The following SARDH variants were observed in gnomAD, a reference collection of about 807,000 sequenced individuals.
SARDH encodes the protein sarcosine dehydrogenase.
Under a neutral mutation model 109.1 loss-of-function variants are expected in SARDH, and 95 were observed. The observed-to-expected ratio is 0.87, with a 90% CI of 0.74 to 1.03. The LOEUF (loss-of-function observed/expected upper bound fraction) is 1.03, where lower values mean the gene tolerates loss of function less well. Ranked by LOEUF, SARDH falls within the 50% of genes least tolerant of loss-of-function variation. The pLI is 0.00. For missense variants in SARDH, 1,267 were observed against 1,287.8 expected, an observed-to-expected ratio of 0.98 and a Z score of 0.25; for synonymous variants, 572 against 534.8, an observed-to-expected ratio of 1.07 and a Z score of -0.96.
intron 15 of SARDH, among the ~76,000 whole-genome samples, chr9:133,691,316 C>A (rs1330623319): frequency 6.6e-6 from 1 of 152,196 alleles, no homozygotes; most frequent in Non-Finnish European, 1.5e-5. Context: ...CAACTGGTGC[C>A]CAGGGAGATG....
chr9:133,660,805 A>C (rs1832403160), downstream of SARDH, among the ~76,000 whole-genome samples: 1 of 152,228 alleles, frequency 6.6e-6, no homozygotes, highest in African/African-American at 2.4e-5. Context: ...GGCTCCAGCC[A>C]GCATAGGGGT....
chr9:133,674,626 T>C (rs1830456763), intron 17 of SARDH, among the ~76,000 whole-genome samples: 1 of 152,238 alleles, frequency 6.6e-6, no homozygotes, highest in African/African-American at 2.4e-5. Context: ...ACAAGGGCGC[T>C]GAGGCCACTC....
At chr9:133,677,087 C>T (rs1391282611) in intron 17 of SARDH, among the ~76,000 whole-genome samples, 30 of 152,096 alleles carry the variant, frequency 2.0e-4, no homozygotes, top group Non-Finnish European at 3.8e-4. Context: ...TGTAGCGAGC[C>T]AAGGTCGCCC....
In SARDH at chr9:133,671,614, C is replaced by T. The variant is rs201129940; in HGVS notation, c.2247G>A (p.Arg749=). Residue 749 remains arginine, a synonymous_variant, in exon 18 of 21, where the codon CGG becomes CGA. Coordinates refer to ENST00000439388, the MANE Select transcript of SARDH (RefSeq NM_001134707.2). The part of the protein sequence containing the change: ...IPKASCVPVY[R]AVMAAGAKHG... Reference sequence around the variant, plus strand: ...GCTTGGCACCCGCGGCCATCACAGCCCGGTACACAGGCACGCAGGACGCCT... The same window carrying T: ...GCTTGGCACCCGCGGCCATCACAGCTCGGTACACAGGCACGCAGGACGCCT... 3 of 1,603,592 alleles carry T rather than the reference C, an allele frequency of 1.9e-6. No individual in the cohort carries two copies. The East Asian group carries it at 6.7e-5, about 36-fold the overall frequency.
intron 1 of SARDH, among the ~76,000 whole-genome samples, chr9:133,734,499 G>C (rs1451488155): frequency 6.6e-6 from 1 of 151,454 alleles, no homozygotes; most frequent in Non-Finnish European, 1.5e-5. Context: ...TATGTATTAA[G>C]GGCCTGGTAT....
At chr9:133,733,095 C>T (rs901549720) in intron 2 of SARDH, among the ~76,000 whole-genome samples, 1 of 152,190 alleles carries the variant, frequency 6.6e-6, no homozygotes, top group Non-Finnish European at 1.5e-5. Flanking sequence ...GCTGGCGAAA[C>T]GTCAGGGAAG....
At chr9:133,723,942 C>T (rs1310750116) in intron 6 of SARDH, among the ~76,000 whole-genome samples, 1 of 152,042 alleles carries the variant, frequency 6.6e-6, no homozygotes, top group Non-Finnish European at 1.5e-5. Flanking sequence ...CAAAATTTAA[C>T]TTGAGATGGA....
chr9:133,674,888 C>T (rs998258377), intron 17 of SARDH, among the ~76,000 whole-genome samples: 1 of 152,200 alleles, frequency 6.6e-6, no homozygotes, highest in African/African-American at 2.4e-5. Flanking sequence ...ACATTGATCA[C>T]AAGCACATTT....
In SARDH at chr9:133,704,731, C is replaced by T. The variant is rs113626931; in HGVS notation, c.1554+217G>A. ...CACAGCGGACGGGTAGTGGGGAGGA[C>T]GAGGAGTGGGAATTGCGTGAACGGC... On this transcript the variant is annotated intron_variant, in intron 12 of 20. Coordinates refer to ENST00000439388, the MANE Select transcript of SARDH (RefSeq NM_001134707.2). The surrounding 1 kb of genome is among the most constrained non-coding windows in gnomAD (Gnocchi z 4.5). 0.051 allele frequency among the ~76,000 whole-genome samples: 7,747 copies of T among 152,162 alleles called. 243 individuals are homozygous for T. Among genetic ancestry groups the T allele is most frequent in the South Asian group, 0.16 (747 of 4,816 alleles).
intron 1 of SARDH, among the ~76,000 whole-genome samples, chr9:133,735,576 C>T (rs1362348510): frequency 2.0e-5 from 3 of 152,226 alleles, no homozygotes; most frequent in Non-Finnish European, 4.4e-5. Flanking sequence ...ACACAATCAG[C>T]CTCCACGTTT....
Position 133,671,565 on chromosome 9 carries a change from G to T in SARDH, c.2296C>A (p.Arg766Ser). The change falls in exon 18 of 21, where the codon CGC becomes AGC. Residue 766 changes from arginine to serine, a missense_variant. By Grantham distance (110) the Arg-to-Ser change is moderately radical. Transcript: ENST00000439388. ...TCAATGCTCAGGGAGTCGATGGCGC[G>T]GTACCCTGCGTTGATGAGGCCGTGC... is the stretch of plus-strand genomic sequence containing the variant. ...AKHGLINAGY[R>S]AIDSLSIEKG... 1 of 1,608,752 alleles carries T rather than the reference G, an allele frequency of 6.2e-7. No homozygotes were observed. The highest frequency in any genetic ancestry group is 2.2e-5 in the East Asian group (1 of 44,726).
chr9:133,672,820 G>A (rs191922488), intron 17 of SARDH, among the ~76,000 whole-genome samples: 9 of 152,362 alleles, frequency 5.9e-5, no homozygotes, highest in Admixed American at 2.0e-4. Context: ...GTCGCAGACG[G>A]GCCTTCCAGG....
intron 17 of SARDH, among the ~76,000 whole-genome samples, chr9:133,683,416 G>A (rs558257393): frequency 6.4e-4 from 98 of 152,368 alleles, no homozygotes; most frequent in South Asian, 1.0e-3. Context: ...AGAACCCGCA[G>A]CCCCCCTCCC....
At chr9:133,684,717 G>T (rs1163954839) in intron 17 of SARDH, among the ~76,000 whole-genome samples, 1 of 152,144 alleles carries the variant, frequency 6.6e-6, no homozygotes, top group Non-Finnish European at 1.5e-5. Flanking sequence ...GCTGTTTGGG[G>T]ACTGGCTGTG....
chr9:133,739,122 G>A (rs1832979373), upstream of SARDH, among the ~76,000 whole-genome samples: 1 of 152,158 alleles, frequency 6.6e-6, no homozygotes, highest in African/African-American at 2.4e-5. Flanking sequence ...CCCAGAGGAG[G>A]GGTGTGGAGG....
At chr9:133,723,678 G>A (rs1040968647) in intron 6 of SARDH, among the ~76,000 whole-genome samples, 8 of 152,180 alleles carry the variant, frequency 5.3e-5, no homozygotes, top group Admixed American at 5.2e-4. Context: ...CAGGAGAATG[G>A]CATGAACCCA....
intron 13 of SARDH, among the ~76,000 whole-genome samples, chr9:133,696,963 T>C (rs1002612845): frequency 1.3e-5 from 2 of 152,026 alleles, no homozygotes; most frequent in Non-Finnish European, 1.5e-5. Flanking sequence ...AGGAATGAAA[T>C]GTTAGAACAG....
intron 16 of SARDH, among the ~76,000 whole-genome samples, chr9:133,687,069 C>G (rs971319545): frequency 7.9e-5 from 12 of 152,172 alleles, no homozygotes; most frequent in Admixed American, 7.2e-4. Context: ...CAGTCAGAGG[C>G]CCCGGTTCTA....
chr9:133,661,347 A>AAAC (rs796700057), downstream of SARDH, among the ~76,000 whole-genome samples: 9 of 150,696 alleles, frequency 6.0e-5, no homozygotes, highest in Admixed American at 5.3e-4. Context: ...CTCAAAAAAA[A>AAAC]AACAACAACA....
Sources: gnomAD v4.1 joint callset for allele counts (sites outside exome capture counted in the v4.1 genomes callset) on GRCh38, gnomAD v4.1.1 for gene constraint, Gnocchi (gnomAD v3.1) non-coding constraint, MANE v1.5 for transcripts, NCBI Gene and HGNC (gene_info 2026-07-23, HGNC 2026-07-21) for gene names.